The following SEPSECS variants were observed in gnomAD, a reference collection of about 807,000 sequenced individuals.
SEPSECS encodes O-phosphoseryl-tRNA(Sec) selenium transferase.
In SEPSECS, 42 loss-of-function variants were observed where a neutral mutation model predicts 52.1. The ratio of observed to expected loss-of-function variants is 0.81; its 90% CI spans 0.63 to 1.04. The LOEUF is 1.04. Ranked by LOEUF, SEPSECS falls within the 50% of genes least tolerant of loss-of-function variation. SEPSECS has a pLI of 0.00. For missense variants in SEPSECS, 590 were observed against 610.6 expected, an observed-to-expected ratio of 0.97 and a Z score of 0.36; for synonymous variants, 216 against 211.4, an observed-to-expected ratio of 1.02 and a Z score of -0.19.
intron 6 of SEPSECS, among the ~76,000 whole-genome samples, chr4:25,149,419 A>G (rs1208657997): frequency 6.6e-6 from 1 of 152,154 alleles, no homozygotes; most frequent in Non-Finnish European, 1.5e-5. Context: ...GTATTTAAAA[A>G]TATGTTGTAT....
chr4:25,144,762 G>A lies in SEPSECS; in HGVS notation c.1026+12C>T, dbSNP rs374504942. ...TCAAGAATGTTATTCGACACCTAAA[G>A]GGAAAGCTTACCTTTCTTTCTTTTA... On this transcript the variant is annotated intron_variant, in intron 8 of 10. Coordinates refer to ENST00000382103, the MANE Select transcript of SEPSECS (RefSeq NM_016955.4). 4.4e-6 allele frequency: 7 copies of A among 1,576,680 alleles called. No individual in the cohort carries two copies. The highest frequency in any genetic ancestry group is 6.1e-6 in the Non-Finnish European group (7 of 1,146,728).
intron 5 of SEPSECS, among the ~76,000 whole-genome samples, chr4:25,152,546 A>G (rs1338277814): frequency 1.3e-5 from 2 of 152,042 alleles, no homozygotes; most frequent in Non-Finnish European, 2.9e-5. Flanking sequence ...TAATGTATTA[A>G]AAAATACAGA....
At chr4:25,124,730 T>A (rs1042282981) in intron 10 of SEPSECS, among the ~76,000 whole-genome samples, 2 of 152,150 alleles carry the variant, frequency 1.3e-5, no homozygotes, top group African/African-American at 4.8e-5. Flanking sequence ...TGATCAGTGC[T>A]ATACAATGGA....
At chr4:25,136,452 T>G (rs1268190388) in intron 8 of SEPSECS, among the ~76,000 whole-genome samples, 1 of 151,540 alleles carries the variant, frequency 6.6e-6, no homozygotes, top group Non-Finnish European at 1.5e-5. Flanking sequence ...GCTCTCACAA[T>G]TCACATTCAC....
chr4:25,154,953 A>G, intron 5 of SEPSECS, 45 bp downstream of exon 5: 1 of 1,587,618 alleles, frequency 6.3e-7, no homozygotes, highest in Non-Finnish European at 8.6e-7. Context: ...ATTTTATTTA[A>G]AAGACTGATA....
rs1728415390 is a variant in SEPSECS, at chr4:25,127,256, G to T, written c.1120+8C>A. 35 of 1,587,722 alleles carry T rather than the reference G, an allele frequency of 2.2e-5. No individual in the cohort carries two copies. The East Asian group carries it at 7.6e-4, about 35-fold the overall frequency. On this transcript the variant is annotated splice_region_variant and intron_variant, in intron 9 of 10. Coordinates refer to ENST00000382103, the MANE Select transcript of SEPSECS (RefSeq NM_016955.4). ...GTATTTGTTTTTCTTTAGGAAAAAA[G>T]AAATTACCTAAAGATATGGGATTGT...
At chr4:25,156,286 T>G (rs1712630116) in intron 3 of SEPSECS, 91 bp from the exon 4 acceptor site, 1 of 1,192,092 alleles carries the variant, frequency 8.4e-7, no homozygotes, top group Non-Finnish European at 1.2e-6. Context: ...TATAAAATAG[T>G]AAGAGTCGTA....
rs34542574 is a variant in SEPSECS at position 25,156,707 on chromosome 4, CAAAAAAAA to C, written c.388+141_388+148del. 0.02 allele frequency: 4,513 copies of C among 228,466 alleles called. 22 individuals are homozygous for C. Among genetic ancestry groups the C allele is most frequent in the South Asian group, 0.031 (1,183 of 38,010 alleles). 14.2% of individuals were successfully genotyped at this position (228,466 alleles called of 1,614,324 possible). ...TGGGCAACAGAGCTAGACTCCGTCT[CAAAAAAAA>C]AAAAAAAAAAAAAAAAAAAAGAAGT... On this transcript the variant is annotated intron_variant, in intron 3 of 10. Transcript: ENST00000382103.
At chr4:25,154,612 A>AT (rs539983108) in intron 5 of SEPSECS, among the ~76,000 whole-genome samples, 3 of 151,726 alleles carry the variant, frequency 2.0e-5, no homozygotes, top group African/African-American at 4.8e-5. Flanking sequence ...AACAATCCTA[A>AT]TTTTTTTTTA....
intron 10 of SEPSECS, among the ~76,000 whole-genome samples, chr4:25,124,887 T>C (rs935172857): frequency 2.0e-5 from 3 of 152,072 alleles, no homozygotes; most frequent in African/African-American, 7.2e-5. Flanking sequence ...TCTAATAGTT[T>C]AATCGCTTAG....
At chr4:25,140,510 C>G (rs1729018502) in intron 8 of SEPSECS, among the ~76,000 whole-genome samples, 1 of 152,090 alleles carries the variant, frequency 6.6e-6, no homozygotes, top group Non-Finnish European at 1.5e-5. Flanking sequence ...GTCCATATTC[C>G]ACAATTCACC....
chr4:25,160,253 T>G lies in SEPSECS; in HGVS notation c.114+3A>C. ...GCTGGGGAGGGGACCGACAGCTCGG[T>G]ACCTTCTCCAGAAGCAGCCGTATGA... On this transcript the variant is annotated splice_donor_region_variant and intron_variant, in intron 1 of 10. Coordinates refer to ENST00000382103, the MANE Select transcript of SEPSECS (RefSeq NM_016955.4). 6.4e-7 allele frequency: 1 copy of G among 1,553,752 alleles called. No homozygotes were observed. The highest frequency in any genetic ancestry group is 1.2e-5 in the South Asian group (1 of 84,646).
At position 25,160,306 on chromosome 4, in the gene SEPSECS, A is replaced by T; in HGVS notation, c.64T>A (p.Cys22Ser). ...LVSPAYVRQG[C>S]EARRSHEHLI... ...TGCTCATGCGAGCGGCGGGCCTCAC[A>T]GCCCTGCCGCACGTAAGCCGGCGAC... Residue 22 changes from cysteine to serine, a missense_variant, in exon 1 of 11, where the codon TGT becomes AGT. Coordinates refer to ENST00000382103, the MANE Select transcript of SEPSECS (RefSeq NM_016955.4). The T allele has an allele frequency of 6.5e-7, 1 of 1,549,842 alleles. No individual in the cohort carries two copies. Among genetic ancestry groups the T allele is most frequent in the Non-Finnish European group, 8.7e-7 (1 of 1,146,426 alleles).
intron 8 of SEPSECS, among the ~76,000 whole-genome samples, chr4:25,133,540 A>T (rs1244656594): frequency 6.6e-6 from 1 of 152,214 alleles, no homozygotes; most frequent in African/African-American, 2.4e-5. Context: ...GGAATCAATC[A>T]TCTACAAGTA....
chr4:25,135,879 G>A (rs998481357), intron 8 of SEPSECS, among the ~76,000 whole-genome samples: 1 of 152,114 alleles, frequency 6.6e-6, no homozygotes, highest in African/African-American at 2.4e-5. Flanking sequence ...TTCAACCCCA[G>A]GATGCAAGGC....
chr4:25,125,631 G>A (rs968314551), intron 10 of SEPSECS, 63 bp downstream of exon 10: 1 of 994,376 alleles, frequency 1.0e-6, no homozygotes, highest in African/African-American at 1.6e-5. Flanking sequence ...TTGAGGAAAG[G>A]TATTTTACTG....
At chr4:25,131,954 G>C (rs1468356666) in intron 8 of SEPSECS, among the ~76,000 whole-genome samples, 2 of 152,242 alleles carry the variant, frequency 1.3e-5, no homozygotes, top group East Asian at 3.9e-4. Context: ...TTTCTGCATA[G>C]ACAAACTAAA....
At chr4:25,158,706 T>G (rs1309573280) in intron 2 of SEPSECS, among the ~76,000 whole-genome samples, 1 of 152,200 alleles carries the variant, frequency 6.6e-6, no homozygotes, top group Non-Finnish European at 1.5e-5. Flanking sequence ...GTATAGCCTG[T>G]GTTAGTCACC....
chr4:25,157,597 T>G (rs941020866), intron 2 of SEPSECS, among the ~76,000 whole-genome samples: 1 of 150,654 alleles, frequency 6.6e-6, no homozygotes. Context: ...CAGGCTGGAG[T>G]GCAGTGGCGC....
Sources: gnomAD v4.1 joint callset for allele counts (sites outside exome capture counted in the v4.1 genomes callset) on GRCh38, gnomAD v4.1.1 for gene constraint, MANE v1.5 for transcripts, NCBI Gene and HGNC (gene_info 2026-07-23, HGNC 2026-07-21) for gene names.